The following CNTN4 variants were observed in gnomAD, a reference collection of about 807,000 sequenced individuals.
The protein encoded by CNTN4 is contactin 4, also known as contactin-4.
In CNTN4, 77 loss-of-function variants were observed where a neutral mutation model predicts 122.5. The observed-to-expected ratio is 0.63, with a 90% CI of 0.52 to 0.76. The LOEUF (loss-of-function observed/expected upper bound fraction) is 0.76. Ranked by LOEUF, CNTN4 falls within the 30% of genes least tolerant of loss-of-function variation. The pLI is 0.00. For missense variants in CNTN4, 1,256 were observed against 1,259.1 expected (o/e 1.00, Z 0.04); for synonymous variants, 512 against 447.0 (o/e 1.15, Z -1.83).
chr3:2,374,953 A>G (rs777245674), intron 3 of CNTN4, among the ~76,000 whole-genome samples: 5 of 152,192 alleles, frequency 3.3e-5, no homozygotes, highest in Non-Finnish European at 5.9e-5. Context: ...ATTTTGTACC[A>G]TAACCTATTA....
rs565875936 is a variant in CNTN4, at chr3:2,410,597, C to A, written c.-89+71364C>A. On this transcript the variant is annotated intron_variant, in intron 3 of 24. Transcript: ENST00000418658. ...TCATAACCTCATATATTGTATAGCC[C>A]ATTTCATTGCTGGTGGTCAAATAAG... Among the ~76,000 whole-genome samples, 12 of 152,220 alleles carry A rather than the reference C, an allele frequency of 7.9e-5. No homozygotes were observed. In the East Asian group the frequency reaches 2.3e-3, roughly 29 times the overall value.
At chr3:2,824,329 C>T (rs563726653) in intron 7 of CNTN4, among the ~76,000 whole-genome samples, 49 of 151,944 alleles carry the variant, frequency 3.2e-4, no homozygotes, top group Admixed American at 5.9e-4. Flanking sequence ...TGCTGGTGTG[C>T]GCCTATAATC....
rs78769727 is a variant in CNTN4, at chr3:2,412,037, G to C, written c.-89+72804G>C. ...ACTTCTATCACCGTAGATTAATTTT[G>C]CTTGTTCTTGGACTTCATATAGGTG... On this transcript the variant is annotated intron_variant, in intron 3 of 24. Transcript: ENST00000418658. Among the ~76,000 whole-genome samples the C allele has an allele frequency of 2.3e-4, 35 of 152,064 alleles. No individual in the cohort carries two copies. The East Asian group carries it at 6.8e-3, about 29-fold the overall frequency.
intron 23 of CNTN4, among the ~76,000 whole-genome samples, chr3:3,049,052 A>G (rs1198085865): frequency 6.6e-6 from 1 of 152,230 alleles, no homozygotes; most frequent in Non-Finnish European, 1.5e-5. Context: ...ACGTCTACTA[A>G]GCACTGTTCC....
intron 4 of CNTN4, among the ~76,000 whole-genome samples, chr3:2,661,044 G>T (rs1436185031): frequency 6.6e-6 from 1 of 152,186 alleles, no homozygotes; most frequent in Non-Finnish European, 1.5e-5. Flanking sequence ...TGGTATTATA[G>T]TTAAGGAGCG....
At chr3:2,814,097 A>G (rs1347876937) in intron 6 of CNTN4, among the ~76,000 whole-genome samples, 1 of 152,240 alleles carries the variant, frequency 6.6e-6, no homozygotes. Flanking sequence ...CAAATATGAT[A>G]TGAAAACACA....
intron 8 of CNTN4, among the ~76,000 whole-genome samples, chr3:2,877,154 C>G (rs1262796712): frequency 6.6e-6 from 1 of 152,138 alleles, no homozygotes; most frequent in Non-Finnish European, 1.5e-5. Context: ...TGCATGTGCC[C>G]CATTACTAAG....
intron 3 of CNTN4, among the ~76,000 whole-genome samples, chr3:2,410,604 T>C (rs1354842402): frequency 6.6e-6 from 1 of 152,220 alleles, no homozygotes; most frequent in Non-Finnish European, 1.5e-5. Flanking sequence ...GCCCATTTCA[T>C]TGCTGGTGGT....
intron 4 of CNTN4, among the ~76,000 whole-genome samples, chr3:2,676,000 T>A (rs2150422445): frequency 6.6e-6 from 1 of 152,314 alleles, no homozygotes; most frequent in East Asian, 1.9e-4. Context: ...TAAGTTCCAT[T>A]TTAAAATAAT....
chr3:2,118,838 A>G (rs1277246415), intron 2 of CNTN4, among the ~76,000 whole-genome samples: 1 of 152,250 alleles, frequency 6.6e-6, no homozygotes, highest in Non-Finnish European at 1.5e-5. Context: ...TTTTAAAAGT[A>G]CATGCCTTTG....
intron 2 of CNTN4, among the ~76,000 whole-genome samples, chr3:2,128,183 A>G (rs1191390111): frequency 1.3e-5 from 2 of 152,192 alleles, no homozygotes; most frequent in Non-Finnish European, 2.9e-5. Flanking sequence ...ACCGTCTGCC[A>G]GTTTCTTTTC....
chr3:2,318,069 G>A (rs895345686), intron 2 of CNTN4, among the ~76,000 whole-genome samples: 6 of 151,944 alleles, frequency 3.9e-5, no homozygotes, highest in Non-Finnish European at 5.9e-5. Context: ...TTAAGACGCC[G>A]AGCTCTGTGG....
chr3:2,946,795 C>T (rs1419693743), intron 13 of CNTN4, among the ~76,000 whole-genome samples: 3 of 147,920 alleles, frequency 2.0e-5, no homozygotes, highest in Non-Finnish European at 4.5e-5. Context: ...TAATCCCAGA[C>T]TTCTGGGTTC....
chr3:2,138,444 T>G (rs1344100402), intron 2 of CNTN4, among the ~76,000 whole-genome samples: 1 of 152,082 alleles, frequency 6.6e-6, no homozygotes, highest in East Asian at 1.9e-4. Flanking sequence ...ACATGGCTAA[T>G]TTTAGGTCAA....
chr3:2,560,961 A>C (rs1394489796), intron 3 of CNTN4, among the ~76,000 whole-genome samples: 1 of 152,176 alleles, frequency 6.6e-6, no homozygotes, highest in East Asian at 1.9e-4. Flanking sequence ...CTTCTGATTA[A>C]GCAGACATAG....
intron 6 of CNTN4, among the ~76,000 whole-genome samples, chr3:2,794,286 C>T (rs1216509153): frequency 2.0e-5 from 3 of 152,150 alleles, no homozygotes; most frequent in African/African-American, 7.2e-5. Context: ...TGCAGCAGTT[C>T]TCAGGGTATG....
At position 3,043,619 on chromosome 3, in the gene CNTN4, T is replaced by C. The variant is rs760009858; in HGVS notation, c.2726T>C (p.Ile909Thr). 7 of 1,613,836 alleles carry C rather than the reference T, an allele frequency of 4.3e-6. No individual in the cohort carries two copies. Among genetic ancestry groups the C allele is most frequent in the Non-Finnish European group, 5.9e-6 (7 of 1,179,830 alleles). ...CCAAGTCAACCCCCCGGAAACATCATATGGAATTCATCAGACTCCAAAATT... is the reference window on the plus strand; with the variant it reads ...CCAAGTCAACCCCCCGGAAACATCACATGGAATTCATCAGACTCCAAAATT... ...PPPSQPPGNI[I>T]WNSSDSKIIL... is the part of the protein sequence containing the mutation. The change falls in exon 23 of 25, where the codon ATA becomes ACA. Residue 909 changes from isoleucine (I) to threonine (T), a missense_variant. By Grantham distance (89) the Ile-to-Thr change is moderately conservative. Coordinates refer to ENST00000418658, the MANE Select transcript of CNTN4 (RefSeq NM_175607.3).
intron 7 of CNTN4, among the ~76,000 whole-genome samples, chr3:2,831,065 G>A (rs1214015590): frequency 1.3e-5 from 2 of 152,130 alleles, no homozygotes; most frequent in Non-Finnish European, 2.9e-5. Context: ...AACATGTTCA[G>A]TTTGGTTTTC....
intron 14 of CNTN4, among the ~76,000 whole-genome samples, chr3:3,006,322 A>G (rs1293538030): frequency 6.6e-6 from 1 of 152,158 alleles, no homozygotes; most frequent in South Asian, 2.1e-4. Flanking sequence ...CGTCTGGCCC[A>G]TATTAGGTGC....
Sources: allele counts gnomAD v4.1 joint callset (sites outside exome capture counted in the v4.1 genomes callset), GRCh38; gene constraint gnomAD v4.1.1; transcripts MANE v1.5; gene names NCBI Gene and HGNC (gene_info 2026-07-23, HGNC 2026-07-21).